The following ST6GAL2 variants were observed in gnomAD, a reference collection of about 807,000 sequenced individuals.
The protein encoded by ST6GAL2 is beta-galactoside alpha-2,6-sialyltransferase 2.
Under a neutral mutation model 37.5 loss-of-function variants are expected in ST6GAL2, and 24 were observed. That is an observed-to-expected ratio of 0.64 (90% CI 0.46 to 0.90). The LOEUF (loss-of-function observed/expected upper bound fraction) is 0.90, where lower values mean the gene tolerates loss of function less well. ST6GAL2 is among the 40% of genes least tolerant of loss of function. ST6GAL2 has a pLI of 0.00. For synonymous variants in ST6GAL2, 306 were observed against 295.1 expected (o/e 1.04, Z -0.38); for missense variants, 715 against 712.7 (o/e 1.00, Z -0.04).
At chr2:106,876,764 T>G (rs987895643) in intron 1 of ST6GAL2, among the ~76,000 whole-genome samples, 2 of 152,206 alleles carry the variant, frequency 1.3e-5, no homozygotes, top group African/African-American at 2.4e-5. Context: ...ATTAATTTTT[T>G]CATGTAGCAA....
chr2:106,881,148 G>C (rs1678734575), intron 1 of ST6GAL2, among the ~76,000 whole-genome samples: 2 of 152,016 alleles, frequency 1.3e-5, no homozygotes, highest in African/African-American at 4.8e-5. Flanking sequence ...CTCACACCTA[G>C]CTAATTTTTG....
chr2:106,878,665 T>C (rs558126254), intron 1 of ST6GAL2, among the ~76,000 whole-genome samples: 1 of 152,304 alleles, frequency 6.6e-6, no homozygotes, highest in South Asian at 2.1e-4. Context: ...TTAGGTACTA[T>C]AAGTAACCTA....
chr2:106,845,009 A>T (rs10194696), intron 1 of ST6GAL2, among the ~76,000 whole-genome samples: 67 of 152,308 alleles, frequency 4.4e-4, no homozygotes, highest in African/African-American at 1.6e-3. Context: ...AAGGGAAAAT[A>T]ACCTAAGGTA....
intron 1 of ST6GAL2, among the ~76,000 whole-genome samples, chr2:106,883,130 A>G (rs996753976): frequency 1.3e-5 from 2 of 152,138 alleles, no homozygotes; most frequent in African/African-American, 2.4e-5. Context: ...CATCCCCTTT[A>G]AATGTATTTC....
At chr2:106,841,918 T>C (rs1214026044) in intron 2 of ST6GAL2, among the ~76,000 whole-genome samples, 1 of 152,226 alleles carries the variant, frequency 6.6e-6, no homozygotes, top group East Asian at 1.9e-4. Flanking sequence ...TAGGCCACAG[T>C]GCCCAGCTGG....
rs2104405381 is a variant in ST6GAL2, at chr2:106,805,992, T to TC, written c.*685dup. ...TACTGCAGGGAAACAAAGGGCCTCC[T>TC]CTGTGGTGCTATATGGAATTTGGCT... On this transcript the variant is annotated 3_prime_UTR_variant, in exon 6 of 6. Transcript: ENST00000409382. The TC allele has an allele frequency of 6.6e-6, 1 of 152,434 alleles. No individual in the cohort carries two copies. The highest frequency in any genetic ancestry group is 6.5e-5 in the Admixed American group (1 of 15,304). 9.4% of individuals were successfully genotyped at this position (152,434 alleles called of 1,614,324 possible).
intron 1 of ST6GAL2, among the ~76,000 whole-genome samples, chr2:106,882,662 A>C (rs1280628385): frequency 6.6e-6 from 1 of 152,214 alleles, no homozygotes; most frequent in East Asian, 1.9e-4. Flanking sequence ...TTGGAAACTG[A>C]GCTCTGATAA....
chr2:106,810,025 G>A (rs893991276), intron 5 of ST6GAL2, among the ~76,000 whole-genome samples: 1 of 152,160 alleles, frequency 6.6e-6, no homozygotes, highest in Non-Finnish European at 1.5e-5. Context: ...CATTCTGCAT[G>A]TTGACAGCTG....
At chr2:106,882,257 T>C (rs1158002782) in intron 1 of ST6GAL2, among the ~76,000 whole-genome samples, 7 of 152,166 alleles carry the variant, frequency 4.6e-5, no homozygotes, top group African/African-American at 1.4e-4. Flanking sequence ...CCCCACACAA[T>C]TACAGGAGTT....
rs774674264 is a variant in ST6GAL2 at position 106,843,462 on chromosome 2, C to G, written c.516G>C (p.Arg172=). Residue 172 remains arginine, a synonymous_variant, in exon 2 of 6, where the codon CGG becomes CGC. Coordinates refer to ENST00000409382, the MANE Select transcript of ST6GAL2 (RefSeq NM_001142351.2). The part of the protein sequence containing the change: ...AFPAAQVQRR[R]VKKRHRRQRR... ...TCTGCCTCCGGTGCCTCTTCTTCAC[C>G]CGCCTCCTCTGGACCTGTGCAGCCG... 6.2e-7 allele frequency: 1 copy of G among 1,614,146 alleles called. No individual in the cohort carries two copies. The highest frequency in any genetic ancestry group is 8.5e-7 in the Non-Finnish European group (1 of 1,180,024).
chr2:106,841,939 A>G (rs1676902657), intron 2 of ST6GAL2, among the ~76,000 whole-genome samples: 1 of 152,368 alleles, frequency 6.6e-6, no homozygotes, highest in South Asian at 2.1e-4. Context: ...TTGGTCAAAC[A>G]CTAGTCCAGA....
intron 1 of ST6GAL2, among the ~76,000 whole-genome samples, chr2:106,873,135 A>G (rs1352537464): frequency 6.6e-6 from 1 of 152,330 alleles, no homozygotes; most frequent in East Asian, 1.9e-4. Flanking sequence ...CTAACCCTTC[A>G]TCTCTCTCCG....
intron 4 of ST6GAL2, among the ~76,000 whole-genome samples, chr2:106,831,931 G>T (rs1253651765): frequency 1.3e-5 from 2 of 152,208 alleles, no homozygotes; most frequent in East Asian, 1.9e-4. Context: ...AAACAAGCAT[G>T]CTGGCTTTTC....
intron 5 of ST6GAL2, among the ~76,000 whole-genome samples, chr2:106,827,231 C>A (rs756376521): frequency 6.6e-6 from 1 of 152,178 alleles, no homozygotes; most frequent in Non-Finnish European, 1.5e-5. Flanking sequence ...AAAATTCTTA[C>A]AGCAGACAGA....
rs771320592 is a variant in ST6GAL2, at chr2:106,806,644, A to G, written c.*34T>C. ...TTGTGACTTTGAGTACAACAGTAGT[A>G]CCTTATTGCACATTGATTCCCAAGA... On this transcript the variant is annotated 3_prime_UTR_variant, in exon 6 of 6. Coordinates refer to ENST00000409382, the MANE Select transcript of ST6GAL2 (RefSeq NM_001142351.2). 6.2e-7 allele frequency: 1 copy of G among 1,600,762 alleles called. No homozygotes were observed. Among genetic ancestry groups the G allele is most frequent in the Non-Finnish European group, 8.5e-7 (1 of 1,171,724 alleles).
chr2:106,868,536 T>C (rs1258220355), intron 1 of ST6GAL2, among the ~76,000 whole-genome samples: 1 of 152,188 alleles, frequency 6.6e-6, no homozygotes, highest in Non-Finnish European at 1.5e-5. Flanking sequence ...AAACTAAATA[T>C]CTGTGTACAA....
upstream of ST6GAL2, chr2:106,886,758 A>G: frequency 6.6e-6 from 1 of 151,650 alleles, no homozygotes; most frequent in Non-Finnish European, 1.5e-5. Flanking sequence ...GGCACTGGGA[A>G]GTTGGGCTGC....
chr2:106,821,862 G>A (rs2104442743), intron 5 of ST6GAL2, among the ~76,000 whole-genome samples: 2 of 152,130 alleles, frequency 1.3e-5, no homozygotes, highest in Middle Eastern at 3.4e-3. Context: ...TTCAACATAT[G>A]CAAATCAATC....
intron 4 of ST6GAL2, among the ~76,000 whole-genome samples, chr2:106,832,349 G>A (rs953307242): frequency 5.3e-5 from 8 of 152,034 alleles, no homozygotes; most frequent in Non-Finnish European, 5.9e-5. Flanking sequence ...CCTGCCCACC[G>A]ATTCTGCACA....
Sources: gnomAD v4.1 joint callset for allele counts (sites outside exome capture counted in the v4.1 genomes callset) on GRCh38, gnomAD v4.1.1 for gene constraint, MANE v1.5 for transcripts, NCBI Gene and HGNC (gene_info 2026-07-23, HGNC 2026-07-21) for gene names.